The following IRAK1BP1 variants were observed in gnomAD, a reference collection of about 807,000 sequenced individuals.
IRAK1BP1 encodes interleukin 1 receptor associated kinase 1 binding protein 1.
IRAK1BP1 carries 24 observed loss-of-function variants against 28.0 expected under a neutral mutation model. The ratio of observed to expected loss-of-function variants is 0.86; its 90% CI spans 0.62 to 1.20. The LOEUF (loss-of-function observed/expected upper bound fraction) is 1.20. Among genes scored for constraint, IRAK1BP1 ranks in the 50% most tolerant of loss-of-function variants. IRAK1BP1 has a pLI of 0.00. For synonymous variants in IRAK1BP1, 131 were observed against 116.3 expected (o/e 1.13, Z -0.81); for missense variants, 336 against 316.7 (o/e 1.06, Z -0.46).
At chr6:78,891,961 A>G (rs1367977479) in intron 2 of IRAK1BP1, among the ~76,000 whole-genome samples, 1 of 152,140 alleles carries the variant, frequency 6.6e-6, no homozygotes, top group South Asian at 2.1e-4. Context: ...GAAATATTTT[A>G]TACATATATA....
chr6:78,941,325 A>T, intron 4 of IRAK1BP1: 3 of 1,611,856 alleles, frequency 1.9e-6, no homozygotes, highest in Non-Finnish European at 2.5e-6. Context: ...TTGTTCTTAC[A>T]ATCTCCTAAA....
chr6:78,952,989 A>C, the IRAK1BP1 span, among the ~76,000 whole-genome samples: 1 of 149,772 alleles, frequency 6.7e-6, no homozygotes, highest in Non-Finnish European at 1.5e-5. Flanking sequence ...TAATATTTTC[A>C]TTTGTTGTTT....
At chr6:78,877,856 C>T (rs1322148559) in intron 1 of IRAK1BP1, among the ~76,000 whole-genome samples, 1 of 152,148 alleles carries the variant, frequency 6.6e-6, no homozygotes, top group Admixed American at 6.5e-5. Context: ...CCGCACCTGG[C>T]TCAGAGGGTC....
intron 1 of IRAK1BP1, among the ~76,000 whole-genome samples, chr6:78,869,831 G>A (rs751777675): frequency 7.3e-5 from 11 of 151,442 alleles, no homozygotes; most frequent in South Asian, 2.1e-4. Context: ...AGCCTGAGCC[G>A]GGCGTGGTGG....
chr6:78,937,062 C>T lies in IRAK1BP1; in HGVS notation c.*68-8346C>T, dbSNP rs545944132. 4.6e-5 allele frequency: 7 copies of T among 151,748 alleles called. No individual in the cohort carries two copies. In the South Asian group the frequency reaches 1.5e-3, roughly 31 times the overall value. 9.4% of individuals were successfully genotyped at this position (151,748 alleles called of 1,614,324 possible). ...GTAATCAGATGATAAAACTACTTCC[C>T]CTATTATGACTTTTAAAATCATGTA... is the stretch of plus-strand genomic sequence containing the variant. On this transcript the variant is annotated intron_variant and NMD_transcript_variant, in intron 4 of 4. Transcript: ENST00000606868.
downstream of IRAK1BP1, among the ~76,000 whole-genome samples, chr6:78,950,135 T>A (rs1774062978): frequency 6.6e-6 from 1 of 152,252 alleles, no homozygotes; most frequent in Non-Finnish European, 1.5e-5. Flanking sequence ...GATTACTTGA[T>A]ATAATCATGA....
intron 4 of IRAK1BP1, among the ~76,000 whole-genome samples, chr6:78,941,493 G>T (rs1245782787): frequency 3.9e-5 from 6 of 152,056 alleles, no homozygotes; most frequent in Admixed American, 2.0e-4. Context: ...ATAGTTCAAT[G>T]ATCTTATTTA....
At chr6:78,967,713 T>G in the IRAK1BP1 span, among the ~76,000 whole-genome samples, 1 of 152,216 alleles carries the variant, frequency 6.6e-6, no homozygotes, top group African/African-American at 2.4e-5. Flanking sequence ...TCATTTTAAT[T>G]CTCTGTGATT....
At chr6:78,913,264 G>A (rs1772474319) in intron 4 of IRAK1BP1, among the ~76,000 whole-genome samples, 1 of 152,008 alleles carries the variant, frequency 6.6e-6, no homozygotes, top group African/African-American at 2.4e-5. Flanking sequence ...GAACCCTGGA[G>A]GCTGAAGTTG....
At chr6:78,895,817 G>A (rs1267856888) in intron 2 of IRAK1BP1, among the ~76,000 whole-genome samples, 1 of 152,080 alleles carries the variant, frequency 6.6e-6, no homozygotes, top group Non-Finnish European at 1.5e-5. Context: ...TTGTGCCTAC[G>A]ATCAGGTACA....
chr6:78,962,367 C>T, the IRAK1BP1 span, among the ~76,000 whole-genome samples: 1 of 152,030 alleles, frequency 6.6e-6, no homozygotes, highest in South Asian at 2.1e-4. Flanking sequence ...TTTGCTCATT[C>T]GCATATAATA....
At position 78,867,852 on chromosome 6, in the gene IRAK1BP1, A is replaced by C. The variant is rs201035096; in HGVS notation, c.276A>C (p.Leu92=). The C allele has an allele frequency of 3.1e-6, 5 of 1,608,184 alleles. No homozygotes were observed. Among genetic ancestry groups the C allele is most frequent in the African/African-American group, 2.7e-5 (2 of 74,818 alleles). Residue 92 remains leucine, a synonymous_variant, in exon 1 of 4, where the codon CTA becomes CTC. Transcript: ENST00000369940. ...CCAAAAAGAGCGTTTGTCGCCGTCT[A>C]GATTACATCACGCAGAGCCTCCAGC... The part of the protein sequence containing the change: ...AEAKKSVCRR[L]DYITQSLQQQ...
chr6:78,919,855 G>A (rs1772671849), intron 4 of IRAK1BP1, among the ~76,000 whole-genome samples: 1 of 152,064 alleles, frequency 6.6e-6, no homozygotes, highest in Non-Finnish European at 1.5e-5. Context: ...GAGAAAAGCT[G>A]GAAAACACAT....
intron 4 of IRAK1BP1, among the ~76,000 whole-genome samples, chr6:78,918,849 T>C (rs1441312695): frequency 6.6e-6 from 1 of 152,130 alleles, no homozygotes; most frequent in African/African-American, 2.4e-5. Context: ...TACTTGACAA[T>C]TGGATGTAAT....
At chr6:78,936,784 T>C (rs1207337220) in intron 4 of IRAK1BP1, 2 of 151,886 alleles carry the variant, frequency 1.3e-5, no homozygotes, top group East Asian at 1.9e-4. Flanking sequence ...TTGGGTACTA[T>C]ACATAGTTCG....
the IRAK1BP1 span, chr6:78,958,419 C>T: frequency 9.1e-7 from 1 of 1,101,354 alleles, no homozygotes; most frequent in South Asian, 1.3e-5. Flanking sequence ...TTAAGAGGAA[C>T]TGTAGTGCCA....
intron 2 of IRAK1BP1, among the ~76,000 whole-genome samples, chr6:78,886,535 A>G (rs1429523331): frequency 1.3e-5 from 2 of 152,326 alleles, no homozygotes; most frequent in Non-Finnish European, 2.9e-5. Context: ...TCCAAATTAC[A>G]GAGATTAAGA....
downstream of IRAK1BP1, among the ~76,000 whole-genome samples, chr6:78,907,904 G>A (rs1480786116): frequency 1.3e-5 from 2 of 151,426 alleles, no homozygotes; most frequent in South Asian, 4.2e-4. Context: ...GTTTTTAGTA[G>A]AGACGGGGTT....
exon 5 of IRAK1BP1, chr6:78,946,402 T>A: frequency 2.9e-6 from 4 of 1,392,336 alleles, no homozygotes; most frequent in Non-Finnish European, 3.8e-6. Context: ...CATATGATTG[T>A]GAGCCTTTGA....
Sources: allele counts gnomAD v4.1 joint callset (sites outside exome capture counted in the v4.1 genomes callset), GRCh38; gene constraint gnomAD v4.1.1; transcripts MANE v1.5; gene names NCBI Gene and HGNC (gene_info 2026-07-23, HGNC 2026-07-21).